EPB41L2: variants seen among roughly 807,000 people sequenced by gnomAD.
EPB41L2 encodes band 4.1-like protein 2.
EPB41L2 carries 43 observed loss-of-function variants against 113.0 expected under a neutral mutation model. That is an observed-to-expected ratio of 0.38 (90% confidence interval 0.30 to 0.49). EPB41L2 has a LOEUF of 0.49. Ranked by LOEUF, EPB41L2 falls within the 20% of genes least tolerant of loss-of-function variation. The pLI, the probability that EPB41L2 is intolerant of heterozygous loss-of-function variation, is 0.95. For missense variants in EPB41L2, 1,147 were observed against 1,223.4 expected (o/e 0.94, Z 0.93); for synonymous variants, 442 against 436.7 (o/e 1.01, Z -0.15).
At chr6:130,957,639 A>C (rs1817886055) in intron 1 of EPB41L2, among the ~76,000 whole-genome samples, 1 of 152,194 alleles carries the variant, frequency 6.6e-6, no homozygotes, top group South Asian at 2.1e-4. Flanking sequence ...TTAAAAAAAA[A>C]AAAAATTGTG....
At chr6:131,036,306 G>C (rs1217004414) in intron 1 of EPB41L2, among the ~76,000 whole-genome samples, 2 of 152,042 alleles carry the variant, frequency 1.3e-5, no homozygotes, top group Non-Finnish European at 2.9e-5. Flanking sequence ...AGATCCAATG[G>C]GGGAAAAGGG....
chr6:130,885,388 ATTGCT>A, intron 11 of EPB41L2, 120 bp from the exon 12 acceptor site: 2 of 868,512 alleles, frequency 2.3e-6, no homozygotes, highest in Non-Finnish European at 3.6e-6. Flanking sequence ...GAACAGAGAC[ATTGCT>A]TGAGCTCTGA....
chr6:130,934,796 CTTTTTTT>C (rs34793686), intron 3 of EPB41L2, among the ~76,000 whole-genome samples: 1 of 129,296 alleles, frequency 7.7e-6, no homozygotes, highest in Admixed American at 7.7e-5. Context: ...TTTTTGTTTT[CTTTTTTT>C]TTTTTTTTTG....
intron 1 of EPB41L2, among the ~76,000 whole-genome samples, chr6:130,982,434 A>G (rs1208414991): frequency 6.6e-6 from 1 of 152,212 alleles, no homozygotes; most frequent in African/African-American, 2.4e-5. Flanking sequence ...ATTCTTTGGA[A>G]GGGAAGTTAA....
chr6:131,037,301 T>C (rs934240291), intron 1 of EPB41L2, among the ~76,000 whole-genome samples: 1 of 152,112 alleles, frequency 6.6e-6, no homozygotes, highest in East Asian at 1.9e-4. Flanking sequence ...AAACTGACAT[T>C]TTAAGGATTT....
chr6:130,958,719 G>A (rs1818350913), intron 1 of EPB41L2, among the ~76,000 whole-genome samples: 1 of 152,182 alleles, frequency 6.6e-6, no homozygotes, highest in Non-Finnish European at 1.5e-5. Flanking sequence ...TGAAGTGGGG[G>A]CTTATGAGTG....
At chr6:130,967,778 A>T (rs939455268) in intron 1 of EPB41L2, among the ~76,000 whole-genome samples, 4 of 152,208 alleles carry the variant, frequency 2.6e-5, no homozygotes, top group Non-Finnish European at 5.9e-5. Context: ...TTTTGTGCAG[A>T]TAAAACAACT....
rs563792944 is a variant in EPB41L2, at chr6:131,012,376, A to C, written c.-15+50779T>G. On this transcript the variant is annotated intron_variant, in intron 1 of 19. Transcript: ENST00000337057. ...TTATTGTGAGGAGCTGTCCCTGTGA[A>C]CTGTAGGATGTTTAGCAGCATGGCG... is the stretch of plus-strand genomic sequence containing the variant. 2.7e-5 allele frequency among the ~76,000 whole-genome samples: 4 copies of C among 148,948 alleles called. No individual in the cohort carries two copies. In the South Asian group the frequency reaches 8.9e-4, roughly 33 times the overall value.
At chr6:131,003,596 AC>A (rs1349910928) in intron 1 of EPB41L2, among the ~76,000 whole-genome samples, 1 of 151,912 alleles carries the variant, frequency 6.6e-6, no homozygotes, top group Non-Finnish European at 1.5e-5. Context: ...CTCCATCCCC[AC>A]CCCTCCTCAC....
chr6:131,002,790 C>T lies in EPB41L2; in HGVS notation c.-14-46291G>A, dbSNP rs146435089. Among the ~76,000 whole-genome samples the T allele has an allele frequency of 4.6e-5, 7 of 152,304 alleles. No homozygotes were observed. In the East Asian group the frequency reaches 1.2e-3, roughly 25 times the overall value. On this transcript the variant is annotated intron_variant, in intron 1 of 19. Coordinates refer to ENST00000337057, the MANE Select transcript of EPB41L2 (RefSeq NM_001431.4). ...TAATGGTTTTCAAACTTCTTCCAAT[C>T]GCTTGGGCCAAATTAACTAAACAGC...
chr6:131,014,272 G>A (rs923744808), intron 1 of EPB41L2: 1 of 152,140 alleles, frequency 6.6e-6, no homozygotes, highest in African/African-American at 2.4e-5. Context: ...GAGGGTAGGA[G>A]GTGGTAAATT....
intron 15 of EPB41L2, chr6:130,868,393 T>G (rs1784588402): frequency 6.6e-6 from 1 of 152,218 alleles, no homozygotes; most frequent in African/African-American, 2.4e-5. Flanking sequence ...TTATTAACAT[T>G]TTAGTCTGCC....
intron 1 of EPB41L2, among the ~76,000 whole-genome samples, chr6:130,962,915 G>C (rs148077757): frequency 1.8e-3 from 280 of 152,222 alleles, no homozygotes; most frequent in African/African-American, 6.2e-3. Context: ...TCCACTGGTG[G>C]GCTTCTGGAA....
chr6:130,999,902 GC>G (rs1784000504), intron 1 of EPB41L2, among the ~76,000 whole-genome samples: 1 of 152,002 alleles, frequency 6.6e-6, no homozygotes, highest in African/African-American at 2.4e-5. Context: ...TAACCTCCTG[GC>G]AAAAAATAGT....
In EPB41L2 at chr6:130,870,311, T is replaced by C. The variant is rs185805423; in HGVS notation, c.2044-185A>G. 7.3e-5 allele frequency: 113 copies of C among 1,550,520 alleles called. No homozygotes were observed. The Admixed American group carries it at 1.8e-3, about 25-fold the overall frequency. On this transcript the variant is annotated intron_variant, in intron 14 of 19. Coordinates refer to ENST00000337057, the MANE Select transcript of EPB41L2 (RefSeq NM_001431.4). ...GAAACGTGAGGCAATGGTGTTAACA[T>C]GGAAAAAGGGGAGAACCTTAACAGC... is the stretch of plus-strand genomic sequence containing the variant.
Position 130,869,760 on chromosome 6 carries a change from C to T in EPB41L2, c.2410G>A (p.Gly804Ser). The part of the protein sequence containing the change: ...VPEASPVTQA[G>S]ASVITVETVI... ...GTTTCTACTGTGATTACACTGGCAC[C>T]TGCTTGTGTGACTGGGCTGGCTTCG... The change falls in exon 15 of 20, where the codon GGT (glycine) becomes AGT (serine). Residue 804 changes from glycine to serine, a missense_variant. Transcript: ENST00000337057. 5 of 1,614,114 alleles carry T rather than the reference C, an allele frequency of 3.1e-6. No individual in the cohort carries two copies. Among genetic ancestry groups the T allele is most frequent in the Non-Finnish European group, 4.2e-6 (5 of 1,180,024 alleles).
At chr6:130,885,293 T>C in intron 11 of EPB41L2, 25 bp from the exon 12 acceptor site, 1 of 1,612,908 alleles carries the variant, frequency 6.2e-7, no homozygotes, top group Middle Eastern at 1.7e-4. Flanking sequence ...CAATTTTGGA[T>C]TATTTTAGGA....
At chr6:130,872,598 G>T in intron 14 of EPB41L2, 1 of 1,137,672 alleles carries the variant, frequency 8.8e-7, no homozygotes, top group Non-Finnish European at 1.1e-6. Context: ...AGACAGCAGT[G>T]ACCTATTGGA....
intron 19 of EPB41L2, among the ~76,000 whole-genome samples, chr6:130,855,881 AG>A (rs1323705109): frequency 4.8e-5 from 7 of 147,364 alleles, no homozygotes; most frequent in Non-Finnish European, 1.5e-5. Context: ...TGGTGGGGGG[AG>A]GGGGTGCAGG....
Sources: gnomAD v4.1 joint callset for allele counts (sites outside exome capture counted in the v4.1 genomes callset) on GRCh38, gnomAD v4.1.1 for gene constraint, MANE v1.5 for transcripts, NCBI Gene and HGNC (gene_info 2026-07-23, HGNC 2026-07-21) for gene names.